The following DIS3L2 variants were observed in gnomAD, a reference collection of about 807,000 sequenced individuals.
DIS3L2 encodes DIS3 like 3'-5' exoribonuclease 2, also known as DIS3-like exonuclease 2.
A neutral mutation model predicts 97.5 loss-of-function variants in DIS3L2; 34 were observed. That is an observed-to-expected ratio of 0.35 (90% CI 0.27 to 0.46). The LOEUF is 0.46. Among genes scored for constraint, DIS3L2 ranks in the 20% least tolerant of loss-of-function variants. The pLI, the probability that DIS3L2 is intolerant of heterozygous loss-of-function variation, is 1.00. For synonymous variants in DIS3L2, 435 were observed against 445.2 expected, an observed-to-expected ratio of 0.98 and a Z score of 0.29; for missense variants, 1,038 against 1,146.0, an observed-to-expected ratio of 0.91 and a Z score of 1.36.
chr2:232,205,211 C>CATATATATATATATATATATATAT (rs57163508), intron 9 of DIS3L2, among the ~76,000 whole-genome samples: 5 of 140,558 alleles, frequency 3.6e-5, no homozygotes, highest in African/African-American at 1.3e-4. Context: ...AGGCAGTTTA[C>CATATATATATATATATATATATAT]ATATATATAT....
chr2:232,308,804 C>T (rs991817341), intron 14 of DIS3L2, among the ~76,000 whole-genome samples: 4 of 152,208 alleles, frequency 2.6e-5, no homozygotes, highest in Non-Finnish European at 5.9e-5. Context: ...GCTTAGCCTG[C>T]TTGGCATCCC....
chr2:232,003,203 G>C (rs1471604679), intron 1 of DIS3L2, among the ~76,000 whole-genome samples: 1 of 152,142 alleles, frequency 6.6e-6, no homozygotes, highest in Non-Finnish European at 1.5e-5. Flanking sequence ...TACCCTTTAT[G>C]CTTAATGCAC....
At chr2:232,083,452 A>G (rs959208254) in intron 5 of DIS3L2, among the ~76,000 whole-genome samples, 2 of 151,710 alleles carry the variant, frequency 1.3e-5, no homozygotes, top group African/African-American at 4.8e-5. Context: ...TAAATACAAA[A>G]TAGAACCTAA....
At chr2:232,109,753 T>C (rs1284680859) in intron 6 of DIS3L2, among the ~76,000 whole-genome samples, 5 of 152,046 alleles carry the variant, frequency 3.3e-5, no homozygotes, top group Non-Finnish European at 5.9e-5. Context: ...AACCCTAAAC[T>C]ATAAAAGACC....
At position 232,292,882 on chromosome 2, in the gene DIS3L2, A is replaced by G. The variant is rs1199764577; in HGVS notation, c.1660-7158A>G. 6.6e-6 allele frequency among the ~76,000 whole-genome samples: 1 copy of G among 152,086 alleles called. No individual in the cohort carries two copies. The highest frequency in any genetic ancestry group is 2.4e-5 in the African/African-American group (1 of 41,400). Reference sequence around the variant, plus strand: ...CTTCACTTCCTTCCCTCTTCACTCAATACCAGGACCGTTGTGCAGTTGGAA... The same window carrying G: ...CTTCACTTCCTTCCCTCTTCACTCAGTACCAGGACCGTTGTGCAGTTGGAA... On this transcript the variant is annotated intron_variant, in intron 13 of 20. Transcript: ENST00000325385. The surrounding 1 kb of genome is among the most constrained non-coding windows in gnomAD (Gnocchi z 4.4).
chr2:232,198,307 A>G (rs1056772382), intron 9 of DIS3L2, among the ~76,000 whole-genome samples: 38 of 152,202 alleles, frequency 2.5e-4, no homozygotes, highest in Admixed American at 1.4e-3. Flanking sequence ...ATGTTTATAA[A>G]ATCTGAGAAG....
intron 14 of DIS3L2, 28 bp from the exon 15 acceptor site, chr2:232,329,785 T>TCCCCGGGGGGGGGCC: frequency 6.3e-5 from 61 of 967,082 alleles, no homozygotes; most frequent in Non-Finnish European, 6.8e-5. Context: ...ACCCCAGCGG[T>TCCCCGGGGGGGGGCC]CCCTCCCATC....
At chr2:232,275,948 A>G (rs889756602) in intron 13 of DIS3L2, among the ~76,000 whole-genome samples, 2 of 152,318 alleles carry the variant, frequency 1.3e-5, no homozygotes, top group African/African-American at 4.8e-5. Context: ...AAAGTCAGTT[A>G]GAAATGTGGG....
At chr2:232,014,405 A>G (rs963173628) in intron 1 of DIS3L2, among the ~76,000 whole-genome samples, 1 of 152,202 alleles carries the variant, frequency 6.6e-6, no homozygotes, top group African/African-American at 2.4e-5. Context: ...TCATAGAGGT[A>G]TATCATTTGT....
chr2:232,022,820 A>G (rs958952566), intron 3 of DIS3L2, among the ~76,000 whole-genome samples: 1 of 152,178 alleles, frequency 6.6e-6, no homozygotes, highest in Non-Finnish European at 1.5e-5. Context: ...TTTAGGTTAA[A>G]TGTAAGTTTT....
At chr2:232,050,645 T>A (rs1695375881) in intron 5 of DIS3L2, among the ~76,000 whole-genome samples, 1 of 152,178 alleles carries the variant, frequency 6.6e-6, no homozygotes, top group East Asian at 1.9e-4. Flanking sequence ...TCCAGATAGA[T>A]CTTTATGTAG....
chr2:231,972,143 C>A (rs1308958083), intron 1 of DIS3L2, among the ~76,000 whole-genome samples: 1 of 151,482 alleles, frequency 6.6e-6, no homozygotes, highest in African/African-American at 2.4e-5. Flanking sequence ...CGAGATCGCG[C>A]CACTGCACCC....
chr2:232,243,495 T>G (rs1016322369), intron 11 of DIS3L2, among the ~76,000 whole-genome samples: 1 of 152,160 alleles, frequency 6.6e-6, no homozygotes, highest in East Asian at 1.9e-4. Flanking sequence ...ACCTGGGCCC[T>G]TTCCCCCAGT....
intron 16 of DIS3L2, among the ~76,000 whole-genome samples, chr2:232,332,707 G>A (rs1294223426): frequency 6.6e-6 from 1 of 152,172 alleles, no homozygotes; most frequent in Non-Finnish European, 1.5e-5. Flanking sequence ...CAGCCCCCGG[G>A]AGGGTCAGGT....
chr2:232,329,785 T>TGCCCGGGGGGGGGCGCC, intron 14 of DIS3L2, 28 bp from the exon 15 acceptor site: 1 of 967,144 alleles, frequency 1.0e-6, no homozygotes, highest in Non-Finnish European at 1.5e-6. Context: ...ACCCCAGCGG[T>TGCCCGGGGGGGGGCGCC]CCCTCCCATC....
intron 14 of DIS3L2, among the ~76,000 whole-genome samples, chr2:232,313,980 G>A (rs1367288342): frequency 6.6e-6 from 1 of 152,162 alleles, no homozygotes; most frequent in African/African-American, 2.4e-5. Context: ...CTCCCACCAC[G>A]TCCCTCCCAC....
intron 11 of DIS3L2, among the ~76,000 whole-genome samples, chr2:232,244,612 G>A (rs575927280): frequency 6.6e-6 from 1 of 152,306 alleles, no homozygotes; most frequent in South Asian, 2.1e-4. Context: ...GGCAGGAGAC[G>A]AGGGCACACA....
intron 10 of DIS3L2, among the ~76,000 whole-genome samples, chr2:232,226,008 C>T (rs774054381): frequency 1.3e-5 from 2 of 152,122 alleles, no homozygotes; most frequent in Non-Finnish European, 2.9e-5. Flanking sequence ...TAGTTGCCTG[C>T]GGCTGGGAAG....
intron 1 of DIS3L2, among the ~76,000 whole-genome samples, chr2:232,001,710 T>C (rs1018457540): frequency 1.4e-5 from 2 of 143,264 alleles, no homozygotes; most frequent in African/African-American, 4.9e-5. Context: ...TTTAAATCTT[T>C]AATTCTTTTT....
Sources: allele counts gnomAD v4.1 joint callset (sites outside exome capture counted in the v4.1 genomes callset), GRCh38; gene constraint gnomAD v4.1.1; non-coding constraint Gnocchi (gnomAD v3.1); transcripts MANE v1.5; gene names NCBI Gene and HGNC (gene_info 2026-07-23, HGNC 2026-07-21).